IFT22: variants seen among roughly 807,000 people sequenced by gnomAD.
The protein encoded by IFT22 is intraflagellar transport protein 22 homolog.
Under a neutral mutation model 21.0 loss-of-function variants are expected in IFT22, and 13 were observed. The ratio of observed to expected loss-of-function variants is 0.62; its 90% CI spans 0.40 to 0.98. The LOEUF is 0.98. IFT22 is among the 50% of genes least tolerant of loss of function. The probability of loss-of-function intolerance (pLI) is 0.00; values close to 1 mark genes in which losing one functional copy is unlikely to be tolerated. For synonymous variants in IFT22, 67 were observed against 82.4 expected (o/e 0.81, Z 1.01); for missense variants, 227 against 228.9 (o/e 0.99, Z 0.06).
chr7:101,314,928 A>G lies in IFT22; in HGVS notation c.*206T>C, dbSNP rs983836932. ...TCTGGGGCCAGGAAATCCAAATTTGATAATAGGATTTTCTCAACTGAACTC... is the reference window on the plus strand; with the variant it reads ...TCTGGGGCCAGGAAATCCAAATTTGGTAATAGGATTTTCTCAACTGAACTC... On this transcript the variant is annotated 3_prime_UTR_variant, in exon 5 of 5. Transcript: ENST00000315322. 3.7e-6 allele frequency: 2 copies of G among 543,658 alleles called. No individual in the cohort carries two copies. The highest frequency in any genetic ancestry group is 1.9e-5 in the African/African-American group (1 of 52,572). The allele number at this position is 543,658 out of a possible 1,614,324, so 33.7% of individuals were successfully genotyped here. A position where few individuals can be genotyped will look rare whatever the true frequency, so the allele number is the denominator to read the frequency against.
chr7:101,315,035 G>C lies in IFT22; in HGVS notation c.*99C>G, dbSNP rs2116917684. On this transcript the variant is annotated 3_prime_UTR_variant, in exon 5 of 5. Transcript: ENST00000315322. ...GGTAGGAACACTTCCTCTGCAGTCA[G>C]AGGGAGAAGAAAACATCAGGAGCTG... 1 of 1,349,536 alleles carries C rather than the reference G, an allele frequency of 7.4e-7. No individual in the cohort carries two copies. Among genetic ancestry groups the C allele is most frequent in the Non-Finnish European group, 1.0e-6 (1 of 985,002 alleles). 83.6% of individuals were successfully genotyped at this position (1,349,536 alleles called of 1,614,324 possible). A position where few individuals can be genotyped will look rare whatever the true frequency, so the allele number is the denominator to read the frequency against.
rs1276826037 is a variant in IFT22, at chr7:101,312,320, A to G, written c.*2814T>C. On this transcript the variant is annotated 3_prime_UTR_variant, in exon 5 of 5. Coordinates refer to ENST00000315322, the MANE Select transcript of IFT22 (RefSeq NM_022777.4). Reference sequence around the variant, plus strand: ...GGTGTGTGTATCTCTAGTCTCAACTACTCAGAGGCTGAGCTGGCGAGATCA... The same window carrying G: ...GGTGTGTGTATCTCTAGTCTCAACTGCTCAGAGGCTGAGCTGGCGAGATCA... Among the ~76,000 whole-genome samples the G allele has an allele frequency of 6.6e-6, 1 of 151,992 alleles. No homozygotes were observed. The highest frequency in any genetic ancestry group is 2.4e-5 in the African/African-American group (1 of 41,388).
rs1172300382 is a variant in IFT22 at position 101,313,591 on chromosome 7, A to G, written c.*1543T>C. On this transcript the variant is annotated 3_prime_UTR_variant, in exon 5 of 5. Coordinates refer to ENST00000315322, the MANE Select transcript of IFT22 (RefSeq NM_022777.4). ...TGTGATCCGCCTGCCTCGGCCTCCC[A>G]AAGTGCTGGGATTACAGGCGTGAGC... is the stretch of plus-strand genomic sequence containing the variant. The G allele has an allele frequency of 6.6e-6, 1 of 152,112 alleles. No individual in the cohort carries two copies. 9.4% of individuals were successfully genotyped at this position (152,112 alleles called of 1,614,324 possible).
intron 2 of IFT22, 139 bp downstream of exon 2, chr7:101,318,817 G>A: frequency 4.7e-6 from 3 of 632,018 alleles, no homozygotes; most frequent in South Asian, 1.9e-5. Flanking sequence ...TTTATTTTTA[G>A]TTGAGACGGG....
At chr7:101,320,804 A>AC (rs1790320954) in intron 1 of IFT22, among the ~76,000 whole-genome samples, 1 of 151,640 alleles carries the variant, frequency 6.6e-6, no homozygotes, top group African/African-American at 2.4e-5. Context: ...AGAGTTGGAG[A>AC]CCAGCCTAGG....
At position 101,321,767 on chromosome 7, in the gene IFT22, A is replaced by T; in HGVS notation, c.-58T>A. On this transcript the variant is annotated 5_prime_UTR_variant, in exon 1 of 5. Coordinates refer to ENST00000315322, the MANE Select transcript of IFT22 (RefSeq NM_022777.4). ...CACGGGAGGCGGCGCGTCAGGACGG[A>T]GCTCTACTTGGCCGCTTTCGTTTCC... 6.6e-7 allele frequency: 1 copy of T among 1,507,654 alleles called. No homozygotes were observed. Among genetic ancestry groups the T allele is most frequent in the Non-Finnish European group, 8.9e-7 (1 of 1,119,426 alleles). 93.4% of individuals were successfully genotyped at this position (1,507,654 alleles called of 1,614,324 possible).
At position 101,312,449 on chromosome 7, in the gene IFT22, A is replaced by T. The variant is rs985859092; in HGVS notation, c.*2685T>A. ...TGTCTCAAAAAAACAAAAAACAAAA[A>T]ATTGTGTCTGTACTCCACTTTCCAA... On this transcript the variant is annotated 3_prime_UTR_variant, in exon 5 of 5. Coordinates refer to ENST00000315322, the MANE Select transcript of IFT22 (RefSeq NM_022777.4). Among the ~76,000 whole-genome samples, 1 of 150,444 alleles carries T rather than the reference A, an allele frequency of 6.6e-6. No homozygotes were observed. Among genetic ancestry groups the T allele is most frequent in the African/African-American group, 2.5e-5 (1 of 39,934 alleles).
At chr7:101,318,257 C>T (rs779246888) in intron 2 of IFT22, 44 bp from the exon 3 acceptor site, 16 of 1,489,580 alleles carry the variant, frequency 1.1e-5, no homozygotes, top group African/African-American at 8.3e-5. Context: ...CAGTGGCTCA[C>T]GCCTGTAATC....
rs571224512 is a variant in IFT22 at position 101,313,235 on chromosome 7, G to C, written c.*1899C>G. Reference sequence around the variant, plus strand: ...ATTTTTGTATTTTTAGTAGAGATGGGGTTTCGCCATGTTGGCCAGGCTGTT... The same window carrying C: ...ATTTTTGTATTTTTAGTAGAGATGGCGTTTCGCCATGTTGGCCAGGCTGTT... On this transcript the variant is annotated 3_prime_UTR_variant, in exon 5 of 5. Transcript: ENST00000315322. The C allele has an allele frequency of 6.6e-6, 1 of 152,376 alleles. No homozygotes were observed. The highest frequency in any genetic ancestry group is 1.5e-5 in the Non-Finnish European group (1 of 68,132). 9.4% of individuals were successfully genotyped at this position (152,376 alleles called of 1,614,324 possible).
chr7:101,321,442 C>G (rs1386813693), intron 1 of IFT22: 1 of 548,600 alleles, frequency 1.8e-6, no homozygotes, highest in Non-Finnish European at 3.2e-6. Context: ...GCCTTCGGGG[C>G]TCATTAACAC....
Position 101,310,998 on chromosome 7 carries a change from T to TC in IFT22, c.*4135_*4136insG. On this transcript the variant is annotated 3_prime_UTR_variant, in exon 5 of 5. Transcript: ENST00000315322. ...AAAATCTGCTGGGTTAATTTTTTTTTTTTTTTTTTTTTTGAGATGGAGTCT... is the reference window on the plus strand; with the variant it reads ...AAAATCTGCTGGGTTAATTTTTTTTTCTTTTTTTTTTTTTGAGATGGAGTCT... 3.2e-6 allele frequency: 1 copy of TC among 309,200 alleles called. No individual in the cohort carries two copies. The highest frequency in any genetic ancestry group is 6.4e-6 in the Non-Finnish European group (1 of 156,818). The allele number at this position is 309,200 out of a possible 1,614,324, so 19.2% of individuals were successfully genotyped here.
At chr7:101,316,804 G>A (rs1016535818) in intron 3 of IFT22, among the ~76,000 whole-genome samples, 1 of 152,028 alleles carries the variant, frequency 6.6e-6, no homozygotes, top group Non-Finnish European at 1.5e-5. Flanking sequence ...GGCACCTATA[G>A]TCCCAGCTAC....
chr7:101,319,853 C>G (rs1213735929), intron 1 of IFT22, among the ~76,000 whole-genome samples: 1 of 151,924 alleles, frequency 6.6e-6, no homozygotes, highest in Non-Finnish European at 1.5e-5. Flanking sequence ...CTATGTTGCC[C>G]AGGCTGGTCT....
chr7:101,310,989 A>ATTT lies in IFT22; in HGVS notation c.*4142_*4144dup, dbSNP rs934461106. 1.0e-3 allele frequency: 245 copies of ATTT among 239,510 alleles called. No individual in the cohort carries two copies. The highest frequency in any genetic ancestry group is 1.8e-3 in the South Asian group (47 of 26,138). 14.8% of individuals were successfully genotyped at this position (239,510 alleles called of 1,614,324 possible). On this transcript the variant is annotated 3_prime_UTR_variant, in exon 5 of 5. Transcript: ENST00000315322. Reference sequence around the variant, plus strand: ...CAGGTGAACAAAATCTGCTGGGTTAATTTTTTTTTTTTTTTTTTTTTTGAG... The same window carrying ATTT: ...CAGGTGAACAAAATCTGCTGGGTTAATTTTTTTTTTTTTTTTTTTTTTTTTGAG...
At chr7:101,318,764 G>T in intron 2 of IFT22, 192 bp downstream of exon 2, 1 of 539,582 alleles carries the variant, frequency 1.9e-6, no homozygotes, top group Non-Finnish European at 3.4e-6. Context: ...AACCTAACAT[G>T]TAGCTGAGAC....
intron 1 of IFT22, 144 bp from the exon 2 acceptor site, chr7:101,319,176 A>T (rs1790255255): frequency 1.4e-6 from 1 of 696,550 alleles, no homozygotes; most frequent in African/African-American, 1.8e-5. Flanking sequence ...TTACGACCTC[A>T]CTGTCTTGCT....
Position 101,316,451 on chromosome 7 carries a change from C to T in IFT22, c.298G>A (p.Glu100Lys), listed in dbSNP as rs1196982520. The change falls in exon 4 of 5, where the codon GAG becomes AAG. Residue 100 changes from glutamate to lysine, a missense_variant. Physicochemically the swap from Glu to Lys is moderately conservative, Grantham distance 56 (BLOSUM62 1). Transcript: ENST00000315322. The part of the protein sequence containing the change: ...ADIPSHRKEM[E>K]MWYSCFVQQP... ...TGGACAAAGCAGGAATACCACATCTCCATTTCCTTCCGGTGGCTTGGGATG... is the reference window on the plus strand; with the variant it reads ...TGGACAAAGCAGGAATACCACATCTTCATTTCCTTCCGGTGGCTTGGGATG... The T allele has an allele frequency of 1.9e-6, 3 of 1,614,034 alleles. No individual in the cohort carries two copies. The African/African-American group carries it at 4.0e-5, about 22-fold the overall frequency.
chr7:101,320,481 G>A (rs1403381005), intron 1 of IFT22, among the ~76,000 whole-genome samples: 1 of 147,810 alleles, frequency 6.8e-6, no homozygotes, highest in East Asian at 2.1e-4. Flanking sequence ...GGATGGTCTC[G>A]ATCTCCTGAC....
intron 1 of IFT22, among the ~76,000 whole-genome samples, chr7:101,319,536 A>G (rs1790268074): frequency 6.6e-6 from 1 of 151,454 alleles, no homozygotes; most frequent in Non-Finnish European, 1.5e-5. Flanking sequence ...GAGTTCTTTT[A>G]GGTCACAGAG....
Sources: gnomAD v4.1 joint callset for allele counts (sites outside exome capture counted in the v4.1 genomes callset) on GRCh38, gnomAD v4.1.1 for gene constraint, MANE v1.5 for transcripts, NCBI Gene and HGNC (gene_info 2026-07-23, HGNC 2026-07-21) for gene names.